Variants in NECAB1 observed in about 807,000 individuals in gnomAD.
NECAB1 encodes the protein N-terminal EF-hand calcium-binding protein 1.
A neutral mutation model predicts 57.5 loss-of-function variants in NECAB1; 29 were observed. The ratio of observed to expected loss-of-function variants is 0.50; its 90% CI spans 0.38 to 0.69. The LOEUF is 0.69. Among genes scored for constraint, NECAB1 ranks in the 30% least tolerant of loss-of-function variants. The probability of loss-of-function intolerance (pLI) is 0.00; values close to 1 mark genes in which losing one functional copy is unlikely to be tolerated. For synonymous variants in NECAB1, 142 were observed against 147.7 expected, an observed-to-expected ratio of 0.96 and a Z score of 0.28; for missense variants, 372 against 413.8, an observed-to-expected ratio of 0.90 and a Z score of 0.88.
intron 6 of NECAB1, among the ~76,000 whole-genome samples, chr8:90,922,963 G>A (rs986522052): frequency 7.2e-5 from 11 of 152,160 alleles, no homozygotes; most frequent in Non-Finnish European, 1.5e-4. Context: ...TAGAAGAAGA[G>A]CCAAAGGGAC....
chr8:90,829,754 C>T (rs780248472), intron 3 of NECAB1, among the ~76,000 whole-genome samples: 12 of 152,218 alleles, frequency 7.9e-5, no homozygotes, highest in South Asian at 4.1e-4. Context: ...CATAGTCCAT[C>T]TTGAGCTAGC....
At chr8:90,901,737 A>G (rs1300100773) in intron 5 of NECAB1, among the ~76,000 whole-genome samples, 2 of 152,172 alleles carry the variant, frequency 1.3e-5, no homozygotes, top group African/African-American at 4.8e-5. Context: ...TCAACAGACT[A>G]TGTATACTCT....
intron 3 of NECAB1, among the ~76,000 whole-genome samples, chr8:90,868,774 G>T (rs1193960693): frequency 6.6e-6 from 1 of 152,192 alleles, no homozygotes; most frequent in African/African-American, 2.4e-5. Context: ...CCATCCATGT[G>T]GTAGAAAAGA....
intron 2 of NECAB1, among the ~76,000 whole-genome samples, chr8:90,809,813 A>T (rs904101538): frequency 2.0e-5 from 3 of 152,224 alleles, no homozygotes; most frequent in Non-Finnish European, 4.4e-5. Context: ...AATCACACCT[A>T]AGTTGTTAAA....
At chr8:90,914,498 T>C (rs1317363140) in intron 5 of NECAB1, among the ~76,000 whole-genome samples, 1 of 152,158 alleles carries the variant, frequency 6.6e-6, no homozygotes, top group African/African-American at 2.4e-5. Context: ...ACCTTCATAA[T>C]TGACTCAAAA....
chr8:90,913,479 A>G (rs1216883698), intron 5 of NECAB1, among the ~76,000 whole-genome samples: 4 of 152,156 alleles, frequency 2.6e-5, no homozygotes, highest in Non-Finnish European at 4.4e-5. Context: ...TGAAAAAAAA[A>G]AGAAGCAAAA....
chr8:90,917,424 GAA>G lies in NECAB1; in HGVS notation c.358-57_358-56del, dbSNP rs34544744. The stretch of plus-strand genomic sequence containing the variant: ...TGGGATTGATGGGTACATGGTAAAA[GAA>G]AAAAAAAAAATCCTGGGTATTTTTT... On this transcript the variant is annotated intron_variant, in intron 5 of 12. Transcript: ENST00000417640. 7,807 of 1,200,856 alleles carry G rather than the reference GAA, an allele frequency of 6.5e-3. 2 individuals are homozygous for G. Among genetic ancestry groups the G allele is most frequent in the East Asian group, 0.026 (819 of 31,860 alleles). The allele number at this position is 1,200,856 out of a possible 1,614,324, so 74.4% of individuals were successfully genotyped here. A position where few individuals can be genotyped will look rare whatever the true frequency, so the allele number is the denominator to read the frequency against.
intron 1 of NECAB1, among the ~76,000 whole-genome samples, chr8:90,794,909 G>A (rs1196931801): frequency 6.6e-6 from 1 of 152,038 alleles, no homozygotes; most frequent in African/African-American, 2.4e-5. Flanking sequence ...ATTAAGTATC[G>A]GTTCATCATA....
At chr8:90,863,373 T>A (rs1474755383) in intron 3 of NECAB1, among the ~76,000 whole-genome samples, 1 of 152,164 alleles carries the variant, frequency 6.6e-6, no homozygotes, top group Non-Finnish European at 1.5e-5. Context: ...AATAAAAGTA[T>A]AAACATGCCC....
At chr8:90,858,053 A>G (rs575300229) in intron 3 of NECAB1, among the ~76,000 whole-genome samples, 1 of 152,324 alleles carries the variant, frequency 6.6e-6, no homozygotes, top group South Asian at 2.1e-4. Context: ...TGCAGAAACT[A>G]TAATGTATCA....
chr8:90,866,558 G>A (rs992422781), intron 3 of NECAB1, among the ~76,000 whole-genome samples: 1 of 152,130 alleles, frequency 6.6e-6, no homozygotes, highest in African/African-American at 2.4e-5. Flanking sequence ...TCATAATTAG[G>A]TTCACAGTGT....
intron 3 of NECAB1, among the ~76,000 whole-genome samples, chr8:90,868,649 G>A (rs1045605300): frequency 1.3e-5 from 2 of 152,338 alleles, no homozygotes; most frequent in East Asian, 1.9e-4. Context: ...CATTCAAGAT[G>A]TGGCCTGGTT....
At chr8:90,952,253 C>T (rs1810937115) in intron 12 of NECAB1, among the ~76,000 whole-genome samples, 1 of 151,350 alleles carries the variant, frequency 6.6e-6, no homozygotes, top group Admixed American at 6.6e-5. Flanking sequence ...AGGAAATAGC[C>T]AGAGTTTGGG....
At chr8:90,816,715 G>T (rs912744269) in intron 2 of NECAB1, among the ~76,000 whole-genome samples, 1 of 151,690 alleles carries the variant, frequency 6.6e-6, no homozygotes. Context: ...ATACAACACT[G>T]GTTAAATTAC....
intron 2 of NECAB1, among the ~76,000 whole-genome samples, chr8:90,816,750 A>G (rs560716215): frequency 2.0e-5 from 3 of 151,820 alleles, no homozygotes; most frequent in South Asian, 4.1e-4. Context: ...AAATCTTGCA[A>G]TTGGGAAGTG....
intron 3 of NECAB1, among the ~76,000 whole-genome samples, chr8:90,854,533 G>C (rs567614367): frequency 6.6e-6 from 1 of 152,236 alleles, no homozygotes; most frequent in East Asian, 1.9e-4. Flanking sequence ...CCTAATCCAG[G>C]TCTGTTCTCC....
At chr8:90,834,329 T>G (rs1337871406) in intron 3 of NECAB1, among the ~76,000 whole-genome samples, 2 of 152,178 alleles carry the variant, frequency 1.3e-5, no homozygotes, top group Non-Finnish European at 2.9e-5. Context: ...ATGTGTTTCT[T>G]GGAAATTTAT....
chr8:90,937,465 GT>G (rs1010564515), intron 9 of NECAB1, among the ~76,000 whole-genome samples: 2 of 151,850 alleles, frequency 1.3e-5, no homozygotes, highest in Non-Finnish European at 2.9e-5. Flanking sequence ...ATAAATAGAA[GT>G]TTTTTTAAAA....
intron 7 of NECAB1, among the ~76,000 whole-genome samples, chr8:90,926,384 C>T (rs931337): frequency 0.53 from 79,892 of 152,064 alleles, 24,446 homozygotes; most frequent in African/African-American, 0.83. Flanking sequence ...ATGAATAAAG[C>T]CTTATTTTAT....
Sources: gnomAD v4.1 joint callset for allele counts (sites outside exome capture counted in the v4.1 genomes callset) on GRCh38, gnomAD v4.1.1 for gene constraint, MANE v1.5 for transcripts, NCBI Gene and HGNC (gene_info 2026-07-23, HGNC 2026-07-21) for gene names.